NSA2: variants seen among roughly 807,000 people sequenced by gnomAD.
NSA2 encodes NSA2 ribosome biogenesis factor, also known as ribosome biogenesis protein NSA2 homolog.
NSA2 carries 18 observed loss-of-function variants against 34.8 expected under a neutral mutation model. The observed-to-expected ratio is 0.52, with a 90% CI of 0.36 to 0.77. The LOEUF (loss-of-function observed/expected upper bound fraction) is 0.77. Ranked by LOEUF, NSA2 falls within the 30% of genes least tolerant of loss-of-function variation. The pLI is 0.00. For missense variants in NSA2, 188 were observed against 314.7 expected (o/e 0.60, Z 3.05); for synonymous variants, 79 against 100.2 (o/e 0.79, Z 1.26).
In NSA2 at chr5:74,776,586, T is replaced by C. The variant is rs1343327150; in HGVS notation, c.716-18T>C. The C allele has an allele frequency of 7.1e-7, 1 of 1,413,188 alleles. No individual in the cohort carries two copies. Among genetic ancestry groups the C allele is most frequent in the East Asian group, 2.3e-5 (1 of 43,834 alleles). 87.5% of individuals were successfully genotyped at this position (1,413,188 alleles called of 1,614,324 possible). A position where few individuals can be genotyped will look rare whatever the true frequency, so the allele number is the denominator to read the frequency against. ...TAACAACCCTCCCTTTTCCCTTTTT[T>C]GGTTTTGTTTTCCTTAGGAAAATAT... On this transcript the variant is annotated intron_variant, in intron 5 of 5. Coordinates refer to ENST00000610426, the MANE Select transcript of NSA2 (RefSeq NM_014886.6).
intron 1 of NSA2, among the ~76,000 whole-genome samples, chr5:74,768,441 A>T (rs1336586568): frequency 6.6e-6 from 1 of 152,138 alleles, no homozygotes; most frequent in East Asian, 1.9e-4. Flanking sequence ...GGGAAAGAGG[A>T]TTGACTTAAA....
intron 3 of NSA2, among the ~76,000 whole-genome samples, chr5:74,770,398 G>A (rs1418753008): frequency 6.7e-6 from 1 of 148,650 alleles, no homozygotes; most frequent in African/African-American, 2.5e-5. Context: ...ACAGCATTAA[G>A]ATTTTTAGCT....
chr5:74,771,759 CAGG>C (rs1210124662), intron 4 of NSA2: 3 of 148,594 alleles, frequency 2.0e-5, no homozygotes, highest in East Asian at 2.0e-4. Flanking sequence ...GAGGCTGAGG[CAGG>C]AGAATGGCGT....
chr5:74,770,739 A>G lies in NSA2; in HGVS notation c.451A>G (p.Thr151Ala), dbSNP rs900517632. Residue 151 changes from threonine to alanine, a missense_variant, in exon 4 of 6, where the codon ACT becomes GCT. Transcript: ENST00000610426. ...GAAGAAGGCATGGAAGAGAATGGTT[A>G]CTAAAGTGTGCTTTGTTGGAGATGG... ...RKKKAWKRMV[T>A]KVCFVGDGFT... The G allele has an allele frequency of 6.2e-7, 1 of 1,613,444 alleles. No homozygotes were observed. The highest frequency in any genetic ancestry group is 1.6e-4 in the Middle Eastern group (1 of 6,062).
intron 4 of NSA2, among the ~76,000 whole-genome samples, chr5:74,772,349 A>C (rs1744970586): frequency 6.6e-6 from 1 of 152,054 alleles, no homozygotes; most frequent in Non-Finnish European, 1.5e-5. Context: ...GATGGTCTCG[A>C]TCTCCGTGAT....
At chr5:74,772,249 CGAGTA>C (rs1164544272) in intron 4 of NSA2, among the ~76,000 whole-genome samples, 1 of 151,830 alleles carries the variant, frequency 6.6e-6, no homozygotes, top group Non-Finnish European at 1.5e-5. Context: ...CTCAGCCTCC[CGAGTA>C]GCTGGGACTA....
At chr5:74,769,170 A>T (rs756245021) in intron 2 of NSA2, 44 bp from the exon 3 acceptor site, 1 of 1,593,098 alleles carries the variant, frequency 6.3e-7, no homozygotes, top group Non-Finnish European at 8.5e-7. Flanking sequence ...TTGAGTAATC[A>T]TTATTAAAAC....
chr5:74,773,871 T>A lies in NSA2; in HGVS notation c.526T>A (p.Leu176Met). 1 of 1,611,768 alleles carries A rather than the reference T, an allele frequency of 6.2e-7. No individual in the cohort carries two copies. The highest frequency in any genetic ancestry group is 1.7e-5 in the Admixed American group (1 of 59,668). Residue 176 changes from leucine (L) to methionine (M), a missense_variant, in exon 5 of 6, where the codon TTG (leucine) becomes ATG (methionine). Coordinates refer to ENST00000610426, the MANE Select transcript of NSA2 (RefSeq NM_014886.6). ...TATGTTGTGTTTGACTTACTAGGGC[T>A]TGCGTTTCAAGAAAGCCCATGTAAC... Reference protein sequence around the residue: ...KYERFIRPMGLRFKKAHVTHP... With the variant: ...KYERFIRPMGMRFKKAHVTHP...
chr5:74,767,337 C>G lies in NSA2; in HGVS notation c.-24C>G. 6.2e-7 allele frequency: 1 copy of G among 1,613,356 alleles called. No homozygotes were observed. The highest frequency in any genetic ancestry group is 8.5e-7 in the Non-Finnish European group (1 of 1,179,624). On this transcript the variant is annotated 5_prime_UTR_variant, in exon 1 of 6. Coordinates refer to ENST00000610426, the MANE Select transcript of NSA2 (RefSeq NM_014886.6). ...GCGTTTTCGCACTCCAGCGGCTGCT[C>G]CTGGCGGCTCTGCGGCCGTCACCAT...
At chr5:74,773,392 G>A (rs901186292) in intron 4 of NSA2, among the ~76,000 whole-genome samples, 10 of 151,604 alleles carry the variant, frequency 6.6e-5, no homozygotes, top group African/African-American at 2.4e-4. Context: ...CAGCACTTTG[G>A]GAGGCTGAGG....
intron 4 of NSA2, among the ~76,000 whole-genome samples, chr5:74,773,161 C>G (rs1343740049): frequency 6.6e-6 from 1 of 152,106 alleles, no homozygotes; most frequent in East Asian, 1.9e-4. Context: ...ATCCTTGTTA[C>G]ATCATTTGAA....
At chr5:74,770,909 G>A in intron 4 of NSA2, 99 bp downstream of exon 4, 1 of 930,260 alleles carries the variant, frequency 1.1e-6, no homozygotes, top group Non-Finnish European at 1.6e-6. Context: ...AATTGATGTG[G>A]AACAGGTTGA....
chr5:74,769,164 G>A (rs2112411364), intron 2 of NSA2, 46 bp downstream of exon 2: 22 of 1,592,536 alleles, frequency 1.4e-5, no homozygotes, highest in Non-Finnish European at 1.9e-5. Flanking sequence ...CATCTTTTGA[G>A]TAATCATTAT....
chr5:74,774,670 A>G (rs58931540), intron 5 of NSA2, among the ~76,000 whole-genome samples: 1,595 of 152,290 alleles, frequency 0.01, 19 homozygotes, highest in African/African-American at 0.036. Context: ...AGTTATAACT[A>G]AGAAATATTA....
chr5:74,775,029 A>T (rs1351347998), intron 5 of NSA2, among the ~76,000 whole-genome samples: 1 of 152,098 alleles, frequency 6.6e-6, no homozygotes, highest in Non-Finnish European at 1.5e-5. Flanking sequence ...CAGCCTGGCC[A>T]ACATGGTGAA....
chr5:74,768,924 A>G lies in NSA2; in HGVS notation c.4-7A>G. ...AAATTAAAATAATATTTCTTCCATC[A>G]TTATAGCCACAGAATGAATATATTG... On this transcript the variant is annotated splice_polypyrimidine_tract_variant and splice_region_variant and intron_variant, in intron 1 of 5. Coordinates refer to ENST00000610426, the MANE Select transcript of NSA2 (RefSeq NM_014886.6). 1.3e-6 allele frequency: 2 copies of G among 1,553,406 alleles called. No individual in the cohort carries two copies. The highest frequency in any genetic ancestry group is 8.7e-7 in the Non-Finnish European group (1 of 1,153,316).
In NSA2 at chr5:74,778,734, C is replaced by G. The variant is rs1745251660; in HGVS notation, c.*2063C>G. The G allele has an allele frequency of 6.6e-6, 1 of 152,056 alleles. No homozygotes were observed. Among genetic ancestry groups the G allele is most frequent in the Non-Finnish European group, 1.5e-5 (1 of 67,924 alleles). The allele number at this position is 152,056 out of a possible 1,614,324, so 9.4% of individuals were successfully genotyped here. A position where few individuals can be genotyped will look rare whatever the true frequency, so the allele number is the denominator to read the frequency against. ...AAAGAACTAAAATACTAATAACCATCTGCTTTATATTACACAAGGAAATAT... is the reference window on the plus strand; with the variant it reads ...AAAGAACTAAAATACTAATAACCATGTGCTTTATATTACACAAGGAAATAT... On this transcript the variant is annotated 3_prime_UTR_variant, in exon 6 of 6. Transcript: ENST00000610426.
rs112901083 is a variant in NSA2 at position 74,771,152 on chromosome 5, C to T, written c.522+342C>T. On this transcript the variant is annotated intron_variant, in intron 4 of 5. Coordinates refer to ENST00000610426, the MANE Select transcript of NSA2 (RefSeq NM_014886.6). ...AAAATAAGCTGGGCGTGGTGGCGGG[C>T]GCCTGTAATCCCAGCTACTAGGGAG... is the stretch of plus-strand genomic sequence containing the variant. Among the ~76,000 whole-genome samples the T allele has an allele frequency of 3.0e-3, 454 of 151,990 alleles. 3 individuals carry two copies. The highest frequency in any genetic ancestry group is 0.01 in the African/African-American group (435 of 41,450).
chr5:74,771,139 G>A (rs970455116), intron 4 of NSA2, among the ~76,000 whole-genome samples: 4 of 152,086 alleles, frequency 2.6e-5, no homozygotes, highest in Non-Finnish European at 5.9e-5. Flanking sequence ...AATAAGCTGG[G>A]CGTGGTGGCG....
Sources: gnomAD v4.1 joint callset for allele counts (sites outside exome capture counted in the v4.1 genomes callset) on GRCh38, gnomAD v4.1.1 for gene constraint, MANE v1.5 for transcripts, NCBI Gene and HGNC (gene_info 2026-07-23, HGNC 2026-07-21) for gene names.